Variants in TNFSF4 observed in about 807,000 individuals in gnomAD.
TNFSF4 encodes the protein TNF superfamily member 4, also known as tumor necrosis factor ligand superfamily member 4.
Under a neutral mutation model 7.3 loss-of-function variants are expected in TNFSF4, and 4 were observed. The observed-to-expected ratio is 0.55, with a 90% CI of 0.27 to 1.25. TNFSF4 has a LOEUF of 1.25. Ranked by LOEUF, TNFSF4 falls within the 50% of genes most tolerant of loss-of-function variation. TNFSF4 has a pLI of 0.12. For synonymous variants in TNFSF4, 76 were observed against 83.7 expected, an observed-to-expected ratio of 0.91 and a Z score of 0.50; for missense variants, 181 against 208.8, an observed-to-expected ratio of 0.87 and a Z score of 0.82.
At chr1:173,248,393 A>C in the TNFSF4 span, among the ~76,000 whole-genome samples, 1 of 150,536 alleles carries the variant, frequency 6.6e-6, no homozygotes, top group East Asian at 2.0e-4. Context: ...GAAAGAAAGA[A>C]GGAAGGAAGG....
At chr1:173,419,660 G>T in the TNFSF4 span, among the ~76,000 whole-genome samples, 2 of 152,146 alleles carry the variant, frequency 1.3e-5, no homozygotes, top group Non-Finnish European at 2.9e-5. Context: ...GATGGAACCA[G>T]CTTCCACCCT....
At chr1:173,186,925 C>T in intron 2 of TNFSF4, 60 bp from the exon 3 acceptor site, 1 of 1,094,528 alleles carries the variant, frequency 9.1e-7, no homozygotes. Flanking sequence ...TGGGCAACAA[C>T]CTTCCAATAC....
At chr1:173,339,959 C>T in the TNFSF4 span, among the ~76,000 whole-genome samples, 23 of 152,248 alleles carry the variant, frequency 1.5e-4, no homozygotes, top group African/African-American at 5.5e-4. Context: ...TGTGTCTGTA[C>T]AGGTGCTTCT....
At chr1:173,178,601 A>G in the TNFSF4 span, among the ~76,000 whole-genome samples, 13 of 152,166 alleles carry the variant, frequency 8.5e-5, no homozygotes, top group Admixed American at 3.9e-4. Context: ...AAATTAAAAA[A>G]ATAAGTTGAA....
the TNFSF4 span, among the ~76,000 whole-genome samples, chr1:173,374,992 T>A: frequency 1.3e-5 from 2 of 152,316 alleles, no homozygotes; most frequent in Non-Finnish European, 2.9e-5. Flanking sequence ...CAATCCCAAA[T>A]AGACTCTTTG....
At chr1:173,190,815 C>G (rs1020960885) in intron 1 of TNFSF4, among the ~76,000 whole-genome samples, 1 of 152,192 alleles carries the variant, frequency 6.6e-6, no homozygotes, top group South Asian at 2.1e-4. Flanking sequence ...CAGGCCTCAG[C>G]GTGCAGTGAC....
the TNFSF4 span, among the ~76,000 whole-genome samples, chr1:173,375,666 G>A: frequency 1.6e-4 from 24 of 151,808 alleles, no homozygotes; most frequent in South Asian, 2.1e-4. Flanking sequence ...CCAATCAGCC[G>A]GATCCTAAAA....
chr1:173,409,400 AG>A, the TNFSF4 span, among the ~76,000 whole-genome samples: 1 of 152,198 alleles, frequency 6.6e-6, no homozygotes, highest in Non-Finnish European at 1.5e-5. Flanking sequence ...TTTATAACTT[AG>A]ATAGTTGTAT....
the TNFSF4 span, among the ~76,000 whole-genome samples, chr1:173,438,581 C>G: frequency 6.6e-6 from 1 of 152,194 alleles, no homozygotes; most frequent in Middle Eastern, 3.4e-3. Flanking sequence ...TCATTTGCCT[C>G]TTAATTTTAT....
the TNFSF4 span, among the ~76,000 whole-genome samples, chr1:173,225,603 T>A: frequency 3.3e-5 from 5 of 152,208 alleles, no homozygotes; most frequent in Non-Finnish European, 5.9e-5. Context: ...TTTTAAGTAT[T>A]CTCTGAATGA....
chr1:173,327,127 C>T, the TNFSF4 span, among the ~76,000 whole-genome samples: 47 of 152,242 alleles, frequency 3.1e-4, no homozygotes, highest in Non-Finnish European at 6.3e-4. Flanking sequence ...TACTACAAGG[C>T]TATAGTAACC....
chr1:173,430,610 A>AGT, the TNFSF4 span, among the ~76,000 whole-genome samples: 2 of 152,204 alleles, frequency 1.3e-5, no homozygotes, highest in Non-Finnish European at 2.9e-5. Flanking sequence ...TCTTTGAAAA[A>AGT]GTGTGTGCAT....
chr1:173,269,558 C>A, the TNFSF4 span, among the ~76,000 whole-genome samples: 1 of 152,036 alleles, frequency 6.6e-6, no homozygotes, highest in Non-Finnish European at 1.5e-5. Context: ...ACAAGCCCTG[C>A]AATACCACAA....
chr1:173,283,900 G>T, the TNFSF4 span, among the ~76,000 whole-genome samples: 1 of 145,080 alleles, frequency 6.9e-6, no homozygotes, highest in African/African-American at 2.6e-5. Context: ...GGCCTCTTGT[G>T]CCAAACGGTT....
the TNFSF4 span, among the ~76,000 whole-genome samples, chr1:173,382,595 GAA>G: frequency 2.6e-5 from 4 of 152,302 alleles, no homozygotes; most frequent in East Asian, 1.9e-4. Context: ...CCATGAAAAA[GAA>G]AAGTCTTCCC....
chr1:173,387,925 G>A, the TNFSF4 span, among the ~76,000 whole-genome samples: 1 of 152,216 alleles, frequency 6.6e-6, no homozygotes, highest in Non-Finnish European at 1.5e-5. Flanking sequence ...AAACCATTCA[G>A]AGTCCAGCTT....
the TNFSF4 span, among the ~76,000 whole-genome samples, chr1:173,304,239 T>C: frequency 6.6e-6 from 1 of 151,930 alleles, no homozygotes; most frequent in Non-Finnish European, 1.5e-5. Flanking sequence ...AAACCTTTAT[T>C]GCACGATATT....
the TNFSF4 span, among the ~76,000 whole-genome samples, chr1:173,275,646 A>G: frequency 6.6e-6 from 1 of 152,142 alleles, no homozygotes; most frequent in Non-Finnish European, 1.5e-5. Context: ...TCTGGGAGAG[A>G]GGGAAGTTAA....
chr1:173,324,233 T>G, the TNFSF4 span, among the ~76,000 whole-genome samples: 33 of 152,294 alleles, frequency 2.2e-4, 1 homozygote, highest in East Asian at 6.4e-3. Flanking sequence ...AAAAGAATTT[T>G]CAACCCAGAA....
Sources: gnomAD v4.1 joint callset for allele counts (sites outside exome capture counted in the v4.1 genomes callset) on GRCh38, gnomAD v4.1.1 for gene constraint, MANE v1.5 for transcripts, NCBI Gene and HGNC (gene_info 2026-07-23, HGNC 2026-07-21) for gene names.